Variants in FRMD4A observed in about 807,000 individuals in gnomAD.
The protein encoded by FRMD4A is FERM domain-containing protein 4A.
Under a neutral mutation model 129.1 loss-of-function variants are expected in FRMD4A, and 29 were observed. The ratio of observed to expected loss-of-function variants is 0.22; its 90% CI spans 0.17 to 0.31. The LOEUF (loss-of-function observed/expected upper bound fraction) is 0.31. FRMD4A is among the 10% of genes least tolerant of loss of function. The pLI is 1.00. For synonymous variants in FRMD4A, 634 were observed against 571.6 expected (o/e 1.11, Z -1.56); for missense variants, 1,272 against 1,375.8 (o/e 0.92, Z 1.19).
At chr10:13,744,537 T>C (rs2091193074) in intron 9 of FRMD4A, 1 of 152,254 alleles carries the variant, frequency 6.6e-6, no homozygotes, top group African/African-American at 2.4e-5. Flanking sequence ...TCATCCCATT[T>C]TGCAGAGGAG....
chr10:14,224,092 CGGGGCTG>C (rs965459520), intron 2 of FRMD4A, among the ~76,000 whole-genome samples: 2 of 152,146 alleles, frequency 1.3e-5, no homozygotes, highest in Admixed American at 6.5e-5. Context: ...ACAAACAGGA[CGGGGCTG>C]CTTTGCCCCA....
intron 2 of FRMD4A, among the ~76,000 whole-genome samples, chr10:13,912,231 T>C (rs2094948337): frequency 6.6e-6 from 1 of 152,192 alleles, no homozygotes; most frequent in South Asian, 2.1e-4. Flanking sequence ...ACAGTAGCAG[T>C]GTTGGGGACA....
At chr10:14,280,315 CTT>C (rs398054138) in intron 2 of FRMD4A, among the ~76,000 whole-genome samples, 1 of 145,982 alleles carries the variant, frequency 6.9e-6, no homozygotes, top group African/African-American at 2.5e-5. Context: ...TCAGAAAATA[CTT>C]TTTTTTTTTT....
chr10:14,072,089 C>A (rs1055369018), intron 2 of FRMD4A, among the ~76,000 whole-genome samples: 20 of 152,204 alleles, frequency 1.3e-4, no homozygotes, highest in Non-Finnish European at 2.5e-4. Flanking sequence ...AGTAAAAATT[C>A]TCTTGGGAAG....
chr10:13,674,236 C>T (rs548826147), intron 16 of FRMD4A, among the ~76,000 whole-genome samples: 64 of 152,180 alleles, frequency 4.2e-4, no homozygotes, highest in South Asian at 3.3e-3. Context: ...TCTGAAATAC[C>T]CTTAAGAAAG....
chr10:14,313,472 G>A (rs1846629204), intron 2 of FRMD4A, among the ~76,000 whole-genome samples: 1 of 152,216 alleles, frequency 6.6e-6, no homozygotes, highest in Admixed American at 6.5e-5. Flanking sequence ...TATCTACGAA[G>A]AGTTTCAGAA....
intron 2 of FRMD4A, among the ~76,000 whole-genome samples, chr10:13,921,608 A>G (rs1380871382): frequency 6.6e-6 from 1 of 152,280 alleles, no homozygotes; most frequent in East Asian, 1.9e-4. Flanking sequence ...AGGGCTCAGC[A>G]CACCCTCATA....
At chr10:14,093,247 A>C (rs1211690369) in intron 2 of FRMD4A, among the ~76,000 whole-genome samples, 2 of 152,222 alleles carry the variant, frequency 1.3e-5, no homozygotes, top group Non-Finnish European at 2.9e-5. Context: ...AACAAAGTGC[A>C]TTTAGGTTAA....
intron 2 of FRMD4A, among the ~76,000 whole-genome samples, chr10:13,994,553 T>A (rs2095615878): frequency 6.6e-6 from 1 of 152,144 alleles, no homozygotes; most frequent in Non-Finnish European, 1.5e-5. Context: ...AACTCCTGAC[T>A]TCAGATCATC....
intron 2 of FRMD4A, among the ~76,000 whole-genome samples, chr10:14,129,351 A>G (rs1839103272): frequency 7.1e-6 from 1 of 141,740 alleles, no homozygotes. Context: ...CTAATAATTT[A>G]AAACAACACA....
At chr10:13,808,850 C>T (rs955081460) in intron 4 of FRMD4A, among the ~76,000 whole-genome samples, 5 of 152,214 alleles carry the variant, frequency 3.3e-5, no homozygotes, top group African/African-American at 1.2e-4. Flanking sequence ...AATGGCTGCA[C>T]TTTCTCTGGA....
At chr10:14,201,634 C>T (rs1842639488) in intron 2 of FRMD4A, among the ~76,000 whole-genome samples, 1 of 152,182 alleles carries the variant, frequency 6.6e-6, no homozygotes, top group South Asian at 2.1e-4. Context: ...CCTCTCTAAA[C>T]TGAGAAAGCT....
chr10:13,652,616 A>G (rs2081738251), intron 23 of FRMD4A: 3 of 152,530 alleles, frequency 2.0e-5, no homozygotes, highest in Admixed American at 6.5e-5. Flanking sequence ...TTAATGATCT[A>G]AAGGACAAAG....
At chr10:13,838,789 G>T (rs1391084593) in intron 3 of FRMD4A, among the ~76,000 whole-genome samples, 2 of 152,152 alleles carry the variant, frequency 1.3e-5, no homozygotes, top group South Asian at 2.1e-4. Flanking sequence ...CACCGCGCCT[G>T]CCTATGTTCT....
At chr10:14,267,542 T>C (rs1196272675) in intron 2 of FRMD4A, among the ~76,000 whole-genome samples, 1 of 152,222 alleles carries the variant, frequency 6.6e-6, no homozygotes, top group Non-Finnish European at 1.5e-5. Context: ...GTAGCCTTTC[T>C]GGTTGGAATA....
intron 3 of FRMD4A, among the ~76,000 whole-genome samples, chr10:13,853,714 T>C (rs1209697760): frequency 1.3e-5 from 2 of 148,266 alleles, no homozygotes; most frequent in African/African-American, 5.0e-5. Context: ...AGGCCTGTAG[T>C]CCCAGCTACT....
At chr10:13,992,340 A>G (rs1043259878) in intron 2 of FRMD4A, among the ~76,000 whole-genome samples, 13 of 152,130 alleles carry the variant, frequency 8.5e-5, no homozygotes, top group African/African-American at 2.9e-4. Context: ...TTGATTCTCC[A>G]GCTATATTTG....
chr10:13,895,144 T>G (rs1190287642), intron 2 of FRMD4A, among the ~76,000 whole-genome samples: 1 of 152,232 alleles, frequency 6.6e-6, no homozygotes, highest in Non-Finnish European at 1.5e-5. Flanking sequence ...ATAGGTAAAC[T>G]AGCGTCATGG....
intron 2 of FRMD4A, among the ~76,000 whole-genome samples, chr10:14,139,792 G>A (rs897245574): frequency 2.0e-5 from 3 of 152,044 alleles, no homozygotes; most frequent in African/African-American, 4.8e-5. Flanking sequence ...TTGGGCTTCC[G>A]GGACAGCAGA....
Sources: allele counts gnomAD v4.1 joint callset (sites outside exome capture counted in the v4.1 genomes callset), GRCh38; gene constraint gnomAD v4.1.1; transcripts MANE v1.5; gene names NCBI Gene and HGNC (gene_info 2026-07-23, HGNC 2026-07-21).